Variants in EAF2 observed in about 807,000 individuals in gnomAD.
EAF2 encodes ELL associated factor 2.
In EAF2, 29 loss-of-function variants were observed where a neutral mutation model predicts 29.4. The ratio of observed to expected loss-of-function variants is 0.99; its 90% CI spans 0.73 to 1.35. The LOEUF (loss-of-function observed/expected upper bound fraction) is 1.35. Ranked by LOEUF, EAF2 falls within the 40% of genes most tolerant of loss-of-function variation. EAF2 has a pLI of 0.00. For synonymous variants in EAF2, 103 were observed against 102.5 expected (o/e 1.00, Z -0.03); for missense variants, 292 against 312.0 (o/e 0.94, Z 0.48).
chr3:121,846,825 A>G (rs983406488), intron 2 of EAF2, among the ~76,000 whole-genome samples: 2 of 151,972 alleles, frequency 1.3e-5, no homozygotes, highest in Non-Finnish European at 2.9e-5. Context: ...TCTTATGTTT[A>G]ATAATAAACC....
intron 4 of EAF2, among the ~76,000 whole-genome samples, chr3:121,867,135 GCA>G (rs1450145639): frequency 2.0e-5 from 3 of 152,176 alleles, no homozygotes; most frequent in Non-Finnish European, 4.4e-5. Flanking sequence ...AACAAGATGA[GCA>G]TGTCCCCAAG....
chr3:121,859,602 C>A (rs932569879), intron 4 of EAF2, among the ~76,000 whole-genome samples: 1 of 152,172 alleles, frequency 6.6e-6, no homozygotes, highest in South Asian at 2.1e-4. Flanking sequence ...AATATACAAT[C>A]ATGTCATCTG....
At chr3:121,885,980 TA>T (rs199731989) in intron 5 of EAF2, among the ~76,000 whole-genome samples, 32 of 149,548 alleles carry the variant, frequency 2.1e-4, no homozygotes, top group African/African-American at 4.9e-4. Context: ...CCATTTTAAG[TA>T]AAAAAAAAAT....
chr3:121,840,030 T>C (rs1465548378), intron 1 of EAF2, among the ~76,000 whole-genome samples: 1 of 118,872 alleles, frequency 8.4e-6, no homozygotes, highest in Non-Finnish European at 1.7e-5. Flanking sequence ...TTGTCTCTAC[T>C]GAAAATACAA....
chr3:121,845,011 C>T (rs929620543), intron 2 of EAF2, among the ~76,000 whole-genome samples: 1 of 151,926 alleles, frequency 6.6e-6, no homozygotes, highest in Non-Finnish European at 1.5e-5. Flanking sequence ...TTCAGCTGAG[C>T]CTTTAAAGGA....
At chr3:121,875,196 G>T (rs534541247) in intron 5 of EAF2, among the ~76,000 whole-genome samples, 3 of 151,964 alleles carry the variant, frequency 2.0e-5, no homozygotes, top group Admixed American at 6.6e-5. Context: ...GGGTAGTGGG[G>T]AAAGGGAGAG....
chr3:121,844,592 T>G, intron 2 of EAF2, 45 bp downstream of exon 2: 1 of 1,278,630 alleles, frequency 7.8e-7, no homozygotes, highest in Non-Finnish European at 1.1e-6. Context: ...TGTGGGATTC[T>G]CAGTAAATTT....
At chr3:121,871,323 GAC>G (rs1709009171) in intron 4 of EAF2, among the ~76,000 whole-genome samples, 1 of 111,708 alleles carries the variant, frequency 9.0e-6, no homozygotes. Flanking sequence ...TTCAAGAATA[GAC>G]GAATAGACAA....
At chr3:121,870,953 T>C (rs1709000678) in intron 4 of EAF2, among the ~76,000 whole-genome samples, 1 of 151,920 alleles carries the variant, frequency 6.6e-6, no homozygotes, top group South Asian at 2.1e-4. Flanking sequence ...CTGGTTGGAG[T>C]GTAAAATCAG....
intron 5 of EAF2, among the ~76,000 whole-genome samples, chr3:121,876,627 A>C (rs1709101444): frequency 6.6e-6 from 1 of 152,014 alleles, no homozygotes; most frequent in South Asian, 2.1e-4. Context: ...TAGTTTAAGT[A>C]TGCTGAGATC....
intron 2 of EAF2, among the ~76,000 whole-genome samples, chr3:121,849,660 T>G (rs1273061224): frequency 6.6e-6 from 1 of 152,096 alleles, no homozygotes; most frequent in East Asian, 1.9e-4. Context: ...GGCTCCTATA[T>G]GTATGAGGGG....
chr3:121,861,384 T>C (rs1319289331), intron 4 of EAF2, among the ~76,000 whole-genome samples: 1 of 152,218 alleles, frequency 6.6e-6, no homozygotes, highest in Non-Finnish European at 1.5e-5. Context: ...TTTAGGATAG[T>C]TAGGTCTTCT....
intron 4 of EAF2, among the ~76,000 whole-genome samples, chr3:121,866,774 C>T (rs1708935183): frequency 6.6e-6 from 1 of 151,820 alleles, no homozygotes; most frequent in Non-Finnish European, 1.5e-5. Flanking sequence ...ATAAAATTAC[C>T]TGTCGTACCG....
Position 121,886,401 on chromosome 3 carries a change from C to A in EAF2, c.*13C>A. ...CAGTGATGACTGAAGAAATATTTAG[C>A]TATAAATAAAAATTTATACAGCATG... On this transcript the variant is annotated 3_prime_UTR_variant, in exon 6 of 6. Coordinates refer to ENST00000273668, the MANE Select transcript of EAF2 (RefSeq NM_018456.6). 1.4e-6 allele frequency: 2 copies of A among 1,415,152 alleles called. No homozygotes were observed. Among genetic ancestry groups the A allele is most frequent in the Non-Finnish European group, 1.9e-6 (2 of 1,068,346 alleles). The allele number at this position is 1,415,152 out of a possible 1,614,324, so 87.7% of individuals were successfully genotyped here.
At chr3:121,871,988 C>A (rs540704926) in intron 4 of EAF2, among the ~76,000 whole-genome samples, 9 of 151,752 alleles carry the variant, frequency 5.9e-5, no homozygotes, top group Admixed American at 3.3e-4. Flanking sequence ...CATTATTATT[C>A]TTTTTATCTA....
At chr3:121,855,774 G>A (rs1708707735) in intron 3 of EAF2, among the ~76,000 whole-genome samples, 1 of 152,156 alleles carries the variant, frequency 6.6e-6, no homozygotes, top group Non-Finnish European at 1.5e-5. Context: ...TGTTGATATT[G>A]GGCTAGAGGT....
chr3:121,863,115 T>G (rs1361255734), intron 4 of EAF2, among the ~76,000 whole-genome samples: 1 of 152,062 alleles, frequency 6.6e-6, no homozygotes, highest in African/African-American at 2.4e-5. Flanking sequence ...TACTGGGAGG[T>G]GTCTCCCAGT....
At chr3:121,872,943 G>A (rs1406413602) in intron 5 of EAF2, 155 bp downstream of exon 5, 1 of 1,185,516 alleles carries the variant, frequency 8.4e-7, no homozygotes, top group Admixed American at 2.4e-5. Flanking sequence ...GTTTTCTTTT[G>A]AATCTGTGAC....
Position 121,854,943 on chromosome 3 carries a change from T to A in EAF2, c.338+120T>A, listed in dbSNP as rs150181299. On this transcript the variant is annotated intron_variant, in intron 3 of 5. Transcript: ENST00000273668. ...TATTTCTGTGTGGTACAAAAATGTT[T>A]TAATCTTTTTCTAAGTTTAAATTTG... The A allele has an allele frequency of 5.2e-5, 54 of 1,041,802 alleles. No individual in the cohort carries two copies. The East Asian group carries it at 1.6e-3, about 30-fold the overall frequency. The allele number at this position is 1,041,802 out of a possible 1,614,324, so 64.5% of individuals were successfully genotyped here. A position where few individuals can be genotyped will look rare whatever the true frequency, so the allele number is the denominator to read the frequency against.
Sources: allele counts gnomAD v4.1 joint callset (sites outside exome capture counted in the v4.1 genomes callset), GRCh38; gene constraint gnomAD v4.1.1; transcripts MANE v1.5; gene names NCBI Gene and HGNC (gene_info 2026-07-23, HGNC 2026-07-21).